RRAGB: variants seen among roughly 807,000 people sequenced by gnomAD.
The protein encoded by RRAGB is Ras related GTP binding B, also known as ras-related GTP-binding protein B.
RRAGB carries 6 observed loss-of-function variants against 29.3 expected under a neutral mutation model. That is an observed-to-expected ratio of 0.21 (90% CI 0.11 to 0.40). The LOEUF is 0.40. Ranked by LOEUF, RRAGB falls within the 10% of genes least tolerant of loss-of-function variation. The pLI, the probability that RRAGB is intolerant of heterozygous loss-of-function variation, is 1.00. For synonymous variants in RRAGB, 101 were observed against 92.5 expected (o/e 1.09, Z -0.53); for missense variants, 184 against 272.9 (o/e 0.67, Z 2.29).
intron 5 of RRAGB, among the ~76,000 whole-genome samples, chrX:55,732,489 C>G (rs975403700): frequency 3.1e-4 from 35 of 111,559 alleles, no homozygotes; most frequent in Middle Eastern, 4.6e-3. Flanking sequence ...CTAAGGAAAT[C>G]CTTTAATGAA....
At chrX:55,749,467 C>A (rs1036157625) in intron 5 of RRAGB, among the ~76,000 whole-genome samples, 37 of 109,493 alleles carry the variant, frequency 3.4e-4, no homozygotes, top group Non-Finnish European at 7.7e-5. Flanking sequence ...AGGGGCGCCT[C>A]TGTCCGGCCG....
At position 55,748,721 on chromosome X, in the gene RRAGB, C is replaced by A. The variant is rs2034361551; in HGVS notation, c.517-2380C>A. ...GGAGCGTCTCCGCCCGGCAGCCACC[C>A]CATCCGGGAGGGAGGTGGGGGTCAG... On this transcript the variant is annotated intron_variant, in intron 5 of 9. Coordinates refer to ENST00000374941, the MANE Select transcript of RRAGB (RefSeq NM_006064.5). Among the ~76,000 whole-genome samples, 4 of 111,964 alleles carry A rather than the reference C, an allele frequency of 3.6e-5. No homozygotes were observed. The South Asian group carries it at 1.5e-3, about 42-fold the overall frequency.
chrX:55,742,142 G>T (rs1202736600), intron 5 of RRAGB, among the ~76,000 whole-genome samples: 9 of 111,744 alleles, frequency 8.1e-5, no homozygotes, highest in Admixed American at 1.9e-4. Context: ...TCATGATAAG[G>T]GATTAAAAGG....
chrX:55,738,549 C>T (rs2033943124), intron 5 of RRAGB, among the ~76,000 whole-genome samples: 1 of 112,681 alleles, frequency 8.9e-6, no homozygotes, highest in African/African-American at 3.2e-5. Context: ...ATGTACTAGG[C>T]ACATGAGTAG....
intron 3 of RRAGB, among the ~76,000 whole-genome samples, chrX:55,722,985 T>C (rs1380643584): frequency 4.5e-5 from 5 of 110,799 alleles, no homozygotes; most frequent in Admixed American, 1.9e-4. Flanking sequence ...CACCCACTAC[T>C]CTACACATTT....
chrX:55,737,521 G>A (rs1352845263), intron 5 of RRAGB, among the ~76,000 whole-genome samples: 1 of 112,172 alleles, frequency 8.9e-6, no homozygotes, highest in Admixed American at 9.4e-5. Flanking sequence ...CTGACTGCTG[G>A]GGTAGAACTG....
rs1452537079 is a variant in RRAGB, at chrX:55,731,412, C to A, written c.342C>A (p.Ile114=). The A allele has an allele frequency of 2.5e-6, 3 of 1,209,249 alleles. No homozygotes were observed. Among genetic ancestry groups the A allele is most frequent in the Non-Finnish European group, 3.4e-6 (3 of 894,701 alleles). ...ATTTCACTAGCCAACGGGACAACAT[C>A]TTCCGAAATGTGGAGGTTCTGATTT... The part of the protein sequence containing the change: ...ENYFTSQRDN[I]FRNVEVLIYV... The change falls in exon 5 of 10, where the codon ATC becomes ATA. Residue 114 remains isoleucine (I), a synonymous_variant. Transcript: ENST00000374941.
At chrX:55,755,104 G>A (rs1452295772) in intron 7 of RRAGB, 1 of 751,102 alleles carries the variant, frequency 1.3e-6, no homozygotes, top group Non-Finnish European at 1.6e-6. Flanking sequence ...TTCACTGAGC[G>A]GGGTGAAGTC....
chrX:55,755,610 G>A (rs1341653166), intron 7 of RRAGB: 5 of 745,607 alleles, frequency 6.7e-6, no homozygotes, highest in Middle Eastern at 7.6e-4. Context: ...TAGGCAATAC[G>A]TAAATGATTT....
chrX:55,743,948 A>G (rs1168227806), intron 5 of RRAGB, among the ~76,000 whole-genome samples: 1 of 111,363 alleles, frequency 9.0e-6, no homozygotes, highest in Non-Finnish European at 1.9e-5. Context: ...ACTTTCTTAC[A>G]GGGCTGCTGT....
intron 5 of RRAGB, among the ~76,000 whole-genome samples, chrX:55,740,338 ATTGTG>A (rs2034017100): frequency 9.0e-6 from 1 of 111,166 alleles, no homozygotes; most frequent in African/African-American, 3.3e-5. Context: ...AAAAAAAATC[ATTGTG>A]ATTTTGAACC....
At chrX:55,752,107 T>TTTAA in intron 6 of RRAGB, 1 of 367,042 alleles carries the variant, frequency 2.7e-6, no homozygotes, top group Non-Finnish European at 3.5e-6. Flanking sequence ...TTTTTTTTTT[T>TTTAA]AACTAATTCA....
chrX:55,731,303 G>C lies in RRAGB; in HGVS notation c.294-61G>C, dbSNP rs182976345. 595 of 844,408 alleles carry C rather than the reference G, an allele frequency of 7.0e-4. 2 individuals are homozygous for C. In the African/African-American group the frequency reaches 0.011, roughly 16 times the overall value. The allele number at this position is 844,408 out of a possible 1,213,427, so 69.6% of individuals were successfully genotyped here. On this transcript the variant is annotated intron_variant, in intron 4 of 9. Coordinates refer to ENST00000374941, the MANE Select transcript of RRAGB (RefSeq NM_006064.5). Reference sequence around the variant, plus strand: ...ACATTGATCAAGCCAACAAAAATAGGCTATAAGTAGGAGTGATTGAATTGA... The same window carrying C: ...ACATTGATCAAGCCAACAAAAATAGCCTATAAGTAGGAGTGATTGAATTGA...
In RRAGB at chrX:55,721,509, C is replaced by A. The variant is rs186421332; in HGVS notation, c.127-677C>A. ...TGGCACAGATGCAGGACCTCCCAGACGGCTGGGAACAATCAGAGGGACTAC... is the reference window on the plus strand; with the variant it reads ...TGGCACAGATGCAGGACCTCCCAGAAGGCTGGGAACAATCAGAGGGACTAC... On this transcript the variant is annotated intron_variant, in intron 2 of 9. Coordinates refer to ENST00000374941, the MANE Select transcript of RRAGB (RefSeq NM_006064.5). 3.6e-5 allele frequency among the ~76,000 whole-genome samples: 4 copies of A among 111,439 alleles called. No homozygotes were observed. The East Asian group carries it at 8.5e-4, about 24-fold the overall frequency.
intron 5 of RRAGB, among the ~76,000 whole-genome samples, chrX:55,740,184 G>A (rs929915296): frequency 1.4e-4 from 15 of 111,091 alleles, no homozygotes; most frequent in African/African-American, 3.9e-4. Flanking sequence ...TTAGCTGGGC[G>A]CAGTGGCGGG....
At chrX:55,733,017 A>T (rs749037604) in intron 5 of RRAGB, among the ~76,000 whole-genome samples, 19 of 111,043 alleles carry the variant, frequency 1.7e-4, no homozygotes, top group Middle Eastern at 4.7e-3. Context: ...GTTTTTGATT[A>T]CATGGATGAA....
intron 5 of RRAGB, 39 bp from the exon 6 acceptor site, chrX:55,751,062 T>C: frequency 1.3e-6 from 1 of 770,887 alleles, no homozygotes; most frequent in Non-Finnish European, 1.9e-6. Flanking sequence ...AGATGGGAAC[T>C]ATTATATGCT....
intron 5 of RRAGB, among the ~76,000 whole-genome samples, chrX:55,748,400 C>T (rs767757564): frequency 2.4e-3 from 259 of 108,051 alleles, no homozygotes; most frequent in Non-Finnish European, 3.4e-3. Context: ...TCTGCCCGGC[C>T]GCCATCCCAT....
intron 7 of RRAGB, 58 bp from the exon 8 acceptor site, chrX:55,755,783 A>G (rs1469513743): frequency 2.6e-6 from 3 of 1,151,487 alleles, no homozygotes; most frequent in Admixed American, 2.3e-5. Flanking sequence ...TTTGAGGAGT[A>G]GCAGAGGATG....
Sources: gnomAD v4.1 joint callset for allele counts (sites outside exome capture counted in the v4.1 genomes callset) on GRCh38, gnomAD v4.1.1 for gene constraint, MANE v1.5 for transcripts, NCBI Gene and HGNC (gene_info 2026-07-23, HGNC 2026-07-21) for gene names.